KIFC3: variants seen among roughly 807,000 people sequenced by gnomAD.
KIFC3 encodes the protein kinesin-like protein KIFC3.
KIFC3 carries 60 observed loss-of-function variants against 101.8 expected under a neutral mutation model. That is an observed-to-expected ratio of 0.59 (90% CI 0.48 to 0.73). KIFC3 has a LOEUF of 0.73. Ranked by LOEUF, KIFC3 falls within the 30% of genes least tolerant of loss-of-function variation. KIFC3 has a pLI of 0.00. For synonymous variants in KIFC3, 476 were observed against 482.7 expected (o/e 0.99, Z 0.18); for missense variants, 966 against 1,137.1 (o/e 0.85, Z 2.16).
upstream of KIFC3, chr16:57,807,775 AAAC>A (rs1285356112): frequency 6.6e-6 from 1 of 152,028 alleles, no homozygotes; most frequent in East Asian, 1.9e-4. Context: ...TGTCTCTACA[AAAC>A]AACAAGCCAG....
chr16:57,792,279 C>G (rs1275832273), intron 3 of KIFC3, among the ~76,000 whole-genome samples: 1 of 152,230 alleles, frequency 6.6e-6, no homozygotes, highest in Non-Finnish European at 1.5e-5. Flanking sequence ...CCACTGCCTT[C>G]TTGGCCCCTG....
intron 3 of KIFC3, chr16:57,779,226 C>G (rs1270644426): frequency 6.6e-6 from 1 of 152,134 alleles, no homozygotes; most frequent in Non-Finnish European, 1.5e-5. Flanking sequence ...CGTGGTATAT[C>G]CATACAATGC....
intron 1 of KIFC3, among the ~76,000 whole-genome samples, chr16:57,843,367 A>C (rs1596855002): frequency 6.6e-6 from 1 of 152,170 alleles, no homozygotes; most frequent in South Asian, 2.1e-4. Flanking sequence ...CTTGGACCGC[A>C]CACTTCACCT....
chr16:57,760,447 G>C, intron 16 of KIFC3, 31 bp from the exon 17 acceptor site: 1 of 1,602,596 alleles, frequency 6.2e-7, no homozygotes, highest in Admixed American at 1.7e-5. Context: ...CTGCCCACCC[G>C]GGCCAGCTGG....
chr16:57,782,007 C>T, intron 3 of KIFC3: 4 of 985,372 alleles, frequency 4.1e-6, no homozygotes, highest in Non-Finnish European at 4.8e-6. Context: ...AAACACGGCA[C>T]CATGGAAAAC....
At chr16:57,855,390 G>T (rs1173119679) in intron 1 of KIFC3, among the ~76,000 whole-genome samples, 2 of 151,874 alleles carry the variant, frequency 1.3e-5, no homozygotes, top group Admixed American at 1.3e-4. Context: ...CTCTCAAAAT[G>T]TTGGAATTAC....
At chr16:57,831,978 G>A (rs868951036) in intron 1 of KIFC3, among the ~76,000 whole-genome samples, 2 of 152,084 alleles carry the variant, frequency 1.3e-5, no homozygotes, top group Non-Finnish European at 2.9e-5. Context: ...AACATTTGTG[G>A]CAGGATAATT....
intron 1 of KIFC3, among the ~76,000 whole-genome samples, chr16:57,824,281 G>T (rs906351546): frequency 6.6e-6 from 1 of 152,234 alleles, no homozygotes; most frequent in Non-Finnish European, 1.5e-5. Flanking sequence ...CCAGCCAGAG[G>T]CAGGCTTGTA....
rs1210043353 is a variant in KIFC3 at position 57,802,428 on chromosome 16, G to A, written c.-98C>T. 4.1e-6 allele frequency: 4 copies of A among 982,738 alleles called. No homozygotes were observed. The Admixed American group carries it at 1.9e-4, about 46-fold the overall frequency. The allele number at this position is 982,738 out of a possible 1,614,324, so 60.9% of individuals were successfully genotyped here. On this transcript the variant is annotated 5_prime_UTR_variant, in exon 1 of 20. Coordinates refer to ENST00000445690, the MANE Select transcript of KIFC3 (RefSeq NM_001130100.2). The surrounding 1 kb of genome is among the most constrained non-coding windows in gnomAD (Gnocchi z 5.0). ...CAGCGCCCGGGGCTCGGCCCGGCCC[G>A]GCCCGCCGGCAGGAGGCAGCTCCAC...
chr16:57,857,313 G>T (rs1316950133), intron 1 of KIFC3, among the ~76,000 whole-genome samples: 3 of 151,534 alleles, frequency 2.0e-5, no homozygotes, highest in African/African-American at 7.3e-5. Flanking sequence ...TTGTTCCAGG[G>T]CCCCTGACTT....
intron 19 of KIFC3, 43 bp downstream of exon 19, chr16:57,759,082 G>A: frequency 3.2e-6 from 5 of 1,548,356 alleles, no homozygotes; most frequent in Non-Finnish European, 4.4e-6. Context: ...ACCCACTGCG[G>A]GCAGGCAGGC....
At chr16:57,786,797 A>G (rs995266655) in intron 3 of KIFC3, among the ~76,000 whole-genome samples, 6 of 152,152 alleles carry the variant, frequency 3.9e-5, no homozygotes, top group Non-Finnish European at 5.9e-5. Flanking sequence ...GCCTGAGGGA[A>G]GCCAAACGGA....
chr16:57,816,536 A>G (rs1568081817), intron 1 of KIFC3: 1 of 456,698 alleles, frequency 2.2e-6, no homozygotes, highest in South Asian at 1.5e-5. Context: ...ACAAAACCAC[A>G]CGGGCTGCGA....
intron 1 of KIFC3, among the ~76,000 whole-genome samples, chr16:57,853,948 T>C (rs1357511186): frequency 6.6e-6 from 1 of 151,502 alleles, no homozygotes; most frequent in East Asian, 2.0e-4. Flanking sequence ...TTTTATTTGA[T>C]TATTATTTTT....
chr16:57,816,163 G>A, intron 1 of KIFC3: 1 of 1,244,032 alleles, frequency 8.0e-7, no homozygotes, highest in South Asian at 1.4e-5. Context: ...AGAGGAAAGG[G>A]GAGGGTGCTC....
At position 57,758,750 on chromosome 16, in the gene KIFC3, C is replaced by T. The variant is rs1555591569; in HGVS notation, c.*184G>A. On this transcript the variant is annotated 3_prime_UTR_variant, in exon 20 of 20. Transcript: ENST00000445690. The stretch of plus-strand genomic sequence containing the variant: ...CCGAGAGACACCGTTTCCTTCTGAA[C>T]ATGTTTCTCATCTTTGAGGGGAGAC... 2.1e-6 allele frequency: 2 copies of T among 970,004 alleles called. No homozygotes were observed. Among genetic ancestry groups the T allele is most frequent in the African/African-American group, 1.6e-5 (1 of 62,882 alleles). The allele number at this position is 970,004 out of a possible 1,614,324, so 60.1% of individuals were successfully genotyped here.
chr16:57,841,349 T>G (rs1184577764), intron 1 of KIFC3, among the ~76,000 whole-genome samples: 3 of 152,084 alleles, frequency 2.0e-5, no homozygotes, highest in African/African-American at 7.2e-5. Flanking sequence ...GCTGCCACCC[T>G]CCTAAAGTTC....
chr16:57,763,995 C>CTGTCTCT, intron 12 of KIFC3, 148 bp downstream of exon 12: 1 of 649,206 alleles, frequency 1.5e-6, no homozygotes, highest in Non-Finnish European at 2.7e-6. Flanking sequence ...TGCCTCAGGG[C>CTGTCTCT]TAACACAGAT....
intron 1 of KIFC3, among the ~76,000 whole-genome samples, chr16:57,799,738 C>G (rs2965786): frequency 0.92 from 139,943 of 152,266 alleles, 64,951 homozygotes; most frequent in Middle Eastern, 0.97. Context: ...GGGCTCACTG[C>G]GGGGTGGAAA....
Sources: allele counts gnomAD v4.1 joint callset (sites outside exome capture counted in the v4.1 genomes callset), GRCh38; gene constraint gnomAD v4.1.1; non-coding constraint Gnocchi (gnomAD v3.1); transcripts MANE v1.5; gene names NCBI Gene and HGNC (gene_info 2026-07-23, HGNC 2026-07-21).